The following AK5 variants were observed in gnomAD, a reference collection of about 807,000 sequenced individuals.
AK5 encodes the protein adenylate kinase isoenzyme 5.
In AK5, 27 loss-of-function variants were observed where a neutral mutation model predicts 69.5. The ratio of observed to expected loss-of-function variants is 0.39; its 90% CI spans 0.29 to 0.54. The LOEUF (loss-of-function observed/expected upper bound fraction) is 0.54. Ranked by LOEUF, AK5 falls within the 20% of genes least tolerant of loss-of-function variation. The pLI is 0.71. For missense variants in AK5, 531 were observed against 700.4 expected, an observed-to-expected ratio of 0.76 and a Z score of 2.73; for synonymous variants, 260 against 244.4, an observed-to-expected ratio of 1.06 and a Z score of -0.60.
chr1:77,545,854 G>C (rs1659519144), intron 13 of AK5, among the ~76,000 whole-genome samples: 1 of 152,170 alleles, frequency 6.6e-6, no homozygotes, highest in Admixed American at 6.5e-5. Flanking sequence ...CCTCCTGCTG[G>C]TGCAGTGAAG....
chr1:77,397,736 A>G (rs957831659), intron 6 of AK5, among the ~76,000 whole-genome samples: 1 of 152,046 alleles, frequency 6.6e-6, no homozygotes, highest in African/African-American at 2.4e-5. Flanking sequence ...CTCTACAAAA[A>G]ATTTAAACAT....
intron 10 of AK5, among the ~76,000 whole-genome samples, chr1:77,489,812 T>A (rs1655862529): frequency 1.3e-5 from 2 of 152,220 alleles, no homozygotes; most frequent in South Asian, 4.1e-4. Flanking sequence ...ACTGGCCTTC[T>A]GGTCTTTCCC....
At chr1:77,340,643 T>A in intron 6 of AK5, 75 bp downstream of exon 6, 1 of 1,401,704 alleles carries the variant, frequency 7.1e-7, no homozygotes, top group Non-Finnish European at 9.8e-7. Flanking sequence ...TGTTCTCATG[T>A]AGAAATCCTC....
chr1:77,551,918 C>T (rs1234721494), intron 13 of AK5, among the ~76,000 whole-genome samples: 3 of 152,162 alleles, frequency 2.0e-5, no homozygotes, highest in East Asian at 1.9e-4. Flanking sequence ...GTAATGACCT[C>T]GTGCTCATGG....
intron 7 of AK5, among the ~76,000 whole-genome samples, chr1:77,415,092 A>G (rs1650325714): frequency 6.6e-6 from 1 of 152,176 alleles, no homozygotes; most frequent in African/African-American, 2.4e-5. Flanking sequence ...CAACAGAGGG[A>G]GACTCTGTCA....
At chr1:77,481,303 T>C (rs1254385360) in intron 8 of AK5, among the ~76,000 whole-genome samples, 2 of 152,188 alleles carry the variant, frequency 1.3e-5, no homozygotes, top group East Asian at 3.9e-4. Context: ...GGTGGCAGGA[T>C]TGGATTAGGT....
chr1:77,475,582 T>C (rs147454070), intron 8 of AK5, among the ~76,000 whole-genome samples: 73 of 144,800 alleles, frequency 5.0e-4, no homozygotes, highest in Middle Eastern at 3.5e-3. Context: ...TGTATATCTA[T>C]ATATGGATCC....
intron 6 of AK5, among the ~76,000 whole-genome samples, chr1:77,354,877 AG>A (rs1662408730): frequency 6.6e-6 from 1 of 152,210 alleles, no homozygotes; most frequent in Non-Finnish European, 1.5e-5. Context: ...TTTTTTGTAA[AG>A]AAAAAATCTT....
At chr1:77,375,434 AAG>A (rs1442060302) in intron 6 of AK5, among the ~76,000 whole-genome samples, 2 of 152,202 alleles carry the variant, frequency 1.3e-5, no homozygotes, top group African/African-American at 4.8e-5. Flanking sequence ...CCAGGCCTAA[AAG>A]AAACAATATC....
At chr1:77,309,312 G>A (rs1316012364) in intron 5 of AK5, among the ~76,000 whole-genome samples, 1 of 151,888 alleles carries the variant, frequency 6.6e-6, no homozygotes, top group East Asian at 1.9e-4. Flanking sequence ...AAACACACAC[G>A]AACACTCAAA....
At chr1:77,395,553 G>T (rs1420005795) in intron 6 of AK5, among the ~76,000 whole-genome samples, 1 of 152,228 alleles carries the variant, frequency 6.6e-6, no homozygotes, top group Non-Finnish European at 1.5e-5. Flanking sequence ...AAGAGAAGCA[G>T]ATGTGGCTTG....
chr1:77,344,298 A>G (rs1661803409), intron 6 of AK5, among the ~76,000 whole-genome samples: 1 of 152,246 alleles, frequency 6.6e-6, no homozygotes, highest in Admixed American at 6.5e-5. Context: ...GCAAATATGA[A>G]TGAAAATAAT....
intron 5 of AK5, among the ~76,000 whole-genome samples, chr1:77,318,208 C>T (rs375482872): frequency 2.0e-5 from 3 of 151,902 alleles, no homozygotes; most frequent in African/African-American, 4.8e-5. Context: ...TCAATCATGG[C>T]GGAATCTTAA....
intron 1 of AK5, among the ~76,000 whole-genome samples, chr1:77,285,553 G>A (rs1658303902): frequency 6.6e-6 from 1 of 152,114 alleles, no homozygotes; most frequent in Non-Finnish European, 1.5e-5. Context: ...AATGTATATT[G>A]GTAAGAATAA....
chr1:77,533,029 G>C (rs911725269), intron 12 of AK5, among the ~76,000 whole-genome samples: 1 of 152,142 alleles, frequency 6.6e-6, no homozygotes. Flanking sequence ...AAAATTTTAG[G>C]TATTAAAAAC....
chr1:77,440,883 C>A (rs1376092236), intron 8 of AK5, among the ~76,000 whole-genome samples: 1 of 152,108 alleles, frequency 6.6e-6, no homozygotes, highest in Non-Finnish European at 1.5e-5. Flanking sequence ...TCCCAAGAAG[C>A]TGGGATTACA....
At chr1:77,294,774 T>C (rs1658891076) in intron 3 of AK5, among the ~76,000 whole-genome samples, 1 of 152,152 alleles carries the variant, frequency 6.6e-6, no homozygotes, top group Admixed American at 6.5e-5. Flanking sequence ...TAAATATTTT[T>C]GAAAAATTCC....
chr1:77,420,751 C>A (rs1273191392), intron 8 of AK5, among the ~76,000 whole-genome samples: 1 of 151,936 alleles, frequency 6.6e-6, no homozygotes, highest in Non-Finnish European at 1.5e-5. Context: ...CACTAGTAAT[C>A]TTTTGCCAAT....
In AK5 at chr1:77,558,886, C is replaced by CACTT. The variant is rs538114497; in HGVS notation, c.*217_*220dup. 287 of 516,150 alleles carry CACTT rather than the reference C, an allele frequency of 5.6e-4. No individual in the cohort carries two copies. The highest frequency in any genetic ancestry group is 4.4e-3 in the African/African-American group (231 of 52,384). 32.0% of individuals were successfully genotyped at this position (516,150 alleles called of 1,614,324 possible). On this transcript the variant is annotated 3_prime_UTR_variant, in exon 14 of 14. Transcript: ENST00000354567. Reference sequence around the variant, plus strand: ...TGGGACTATATCAACCTATTCTCCACACTTCAGACAACTGTCTGCACTCAC... The same window carrying CACTT: ...TGGGACTATATCAACCTATTCTCCACACTTACTTCAGACAACTGTCTGCACTCAC...
Sources: allele counts gnomAD v4.1 joint callset (sites outside exome capture counted in the v4.1 genomes callset), GRCh38; gene constraint gnomAD v4.1.1; transcripts MANE v1.5; gene names NCBI Gene and HGNC (gene_info 2026-07-23, HGNC 2026-07-21).